Variants in CCDC146 observed in about 807,000 individuals in gnomAD.
CCDC146 encodes coiled-coil domain containing 146.
A neutral mutation model predicts 119.3 loss-of-function variants in CCDC146; 92 were observed. The ratio of observed to expected loss-of-function variants is 0.77; its 90% CI spans 0.65 to 0.92. The LOEUF (loss-of-function observed/expected upper bound fraction) is 0.92. Ranked by LOEUF, CCDC146 falls within the 40% of genes least tolerant of loss-of-function variation. CCDC146 has a pLI of 0.00. For missense variants in CCDC146, 1,000 were observed against 1,103.0 expected (o/e 0.91, Z 1.32); for synonymous variants, 372 against 371.8 (o/e 1.00, Z -0.01).
chr7:77,286,604 C>T (rs555991961), intron 15 of CCDC146, among the ~76,000 whole-genome samples, 194 bp from the exon 16 acceptor site: 4 of 152,252 alleles, frequency 2.6e-5, no homozygotes, highest in East Asian at 1.9e-4. Context: ...TAGACATCAT[C>T]GTCGCAGTAC....
chr7:77,260,146 C>G lies in CCDC146; in HGVS notation c.896C>G (p.Ala299Gly), dbSNP rs1793265459. ...NVIKEVEGKR[A>G]LLEIKEREHN... ...ATAAAGGAAGTTGAAGGCAAACGAG[C>G]CTTACTTGAAATCAAAGAACGAGAA... The change falls in exon 8 of 19, where the codon GCC (alanine) becomes GGC (glycine). Residue 299 changes from alanine (A) to glycine (G), a missense_variant. Ala to Gly is a moderately conservative substitution (Grantham distance 60). Around this residue, in one of 2 missense-constraint regions of CCDC146, gnomAD observed 985 missense variants for 1,045.3 expected, o/e 0.94. Coordinates refer to ENST00000285871, the MANE Select transcript of CCDC146 (RefSeq NM_020879.3). 1.2e-6 allele frequency: 2 copies of G among 1,613,922 alleles called. No individual in the cohort carries two copies. The highest frequency in any genetic ancestry group is 1.7e-6 in the Non-Finnish European group (2 of 1,179,966).
chr7:77,124,579 G>T (rs1790667845), intron 1 of CCDC146, among the ~76,000 whole-genome samples: 1 of 152,062 alleles, frequency 6.6e-6, no homozygotes, highest in Non-Finnish European at 1.5e-5. Flanking sequence ...CCATTTTCCT[G>T]ACACCTTTGA....
chr7:77,196,239 C>T lies in CCDC146; in HGVS notation c.156+28415C>T, dbSNP rs766846655. The T allele has an allele frequency of 1.4e-6, 2 of 1,434,832 alleles. No homozygotes were observed. The highest frequency in any genetic ancestry group is 1.2e-5 in the South Asian group (1 of 80,768). 88.9% of individuals were successfully genotyped at this position (1,434,832 alleles called of 1,614,324 possible). ...TAAAGTGCTGAAGGAATTAATTGCC[C>T]TATTAGATAACGAATACCTGGAGGA... On this transcript the variant is annotated intron_variant, in intron 2 of 18. Transcript: ENST00000285871. The surrounding 1 kb of genome is among the most constrained non-coding windows in gnomAD (Gnocchi z 4.2).
At chr7:77,234,739 GA>G (rs772690631) in intron 2 of CCDC146, among the ~76,000 whole-genome samples, 32 of 150,764 alleles carry the variant, frequency 2.1e-4, no homozygotes, top group Admixed American at 6.6e-4. Flanking sequence ...CATCTCTGGG[GA>G]AAAAAAAAGT....
At chr7:77,203,045 C>CCCG (rs1440033911) in intron 2 of CCDC146, among the ~76,000 whole-genome samples, 7 of 95,582 alleles carry the variant, frequency 7.3e-5, no homozygotes, top group African/African-American at 1.9e-4. Context: ...CCCCCCCCCC[C>CCCG]AGGACTATTT....
chr7:77,288,922 A>G (rs1793895387), intron 17 of CCDC146, among the ~76,000 whole-genome samples: 2 of 152,270 alleles, frequency 1.3e-5, no homozygotes, highest in South Asian at 4.1e-4. Flanking sequence ...CTAGAAGCAC[A>G]TGTGGAACAC....
intron 1 of CCDC146, 94 bp downstream of exon 1, chr7:77,122,826 G>C (rs564324806): frequency 6.5e-5 from 10 of 153,938 alleles, no homozygotes; most frequent in Admixed American, 5.1e-4. Flanking sequence ...CCTAGTGCGG[G>C]CATCTCCAGG....
chr7:77,290,180 G>A (rs1793919389), intron 17 of CCDC146, among the ~76,000 whole-genome samples: 1 of 147,636 alleles, frequency 6.8e-6, no homozygotes, highest in South Asian at 2.2e-4. Context: ...TCATAGATGG[G>A]AACTGAACAA....
chr7:77,148,017 A>T (rs944841670), intron 1 of CCDC146, among the ~76,000 whole-genome samples: 6 of 152,224 alleles, frequency 3.9e-5, no homozygotes, highest in African/African-American at 9.6e-5. Context: ...GGTGGAGCCT[A>T]CAGAGGCAGG....
At chr7:77,182,341 T>G (rs1214747858) in intron 2 of CCDC146, among the ~76,000 whole-genome samples, 1 of 152,232 alleles carries the variant, frequency 6.6e-6, no homozygotes, top group African/African-American at 2.4e-5. Context: ...TTAAGTTCTC[T>G]GAACCTCACT....
chr7:77,257,025 G>C (rs1179292409), intron 6 of CCDC146, among the ~76,000 whole-genome samples: 1 of 152,122 alleles, frequency 6.6e-6, no homozygotes, highest in Non-Finnish European at 1.5e-5. Context: ...AGAATTGCTT[G>C]AACCCGGGAG....
chr7:77,220,206 C>T (rs1019256809), intron 2 of CCDC146, among the ~76,000 whole-genome samples: 149 of 152,278 alleles, frequency 9.8e-4, no homozygotes, highest in African/African-American at 3.3e-3. Flanking sequence ...CATTTATTTT[C>T]CCAGGGCTGT....
intron 17 of CCDC146, among the ~76,000 whole-genome samples, chr7:77,292,482 T>A (rs1414197098): frequency 6.6e-6 from 1 of 151,400 alleles, no homozygotes; most frequent in Non-Finnish European, 1.5e-5. Context: ...CCGGGTATGG[T>A]GTTGGGCACT....
At chr7:77,202,493 A>T (rs1012937808) in intron 2 of CCDC146, among the ~76,000 whole-genome samples, 4 of 152,200 alleles carry the variant, frequency 2.6e-5, no homozygotes, top group African/African-American at 9.7e-5. Context: ...AAAAGCTTGG[A>T]TGTGCTTTGA....
chr7:77,144,671 T>A (rs1281327593), intron 1 of CCDC146, among the ~76,000 whole-genome samples: 1 of 151,840 alleles, frequency 6.6e-6, no homozygotes, highest in Non-Finnish European at 1.5e-5. Context: ...TCTATTGAGA[T>A]AATCATGTGG....
chr7:77,221,743 T>C (rs867743070), intron 2 of CCDC146, among the ~76,000 whole-genome samples: 1 of 152,176 alleles, frequency 6.6e-6, no homozygotes, highest in South Asian at 2.1e-4. Flanking sequence ...AGTGCTCTCA[T>C]GGAGAAATGC....
intron 9 of CCDC146, among the ~76,000 whole-genome samples, chr7:77,267,830 C>T (rs1793436673): frequency 6.6e-6 from 1 of 152,130 alleles, no homozygotes. Context: ...TTATATAAAT[C>T]TCCTCTCAGT....
intron 1 of CCDC146, among the ~76,000 whole-genome samples, chr7:77,148,359 G>A (rs1791056327): frequency 6.6e-6 from 1 of 152,124 alleles, no homozygotes; most frequent in East Asian, 1.9e-4. Flanking sequence ...TGTGCTTCCT[G>A]GGTGAGGCGA....
chr7:77,127,560 T>G (rs1175460959), intron 1 of CCDC146, among the ~76,000 whole-genome samples: 1 of 152,150 alleles, frequency 6.6e-6, no homozygotes, highest in Non-Finnish European at 1.5e-5. Flanking sequence ...TCCAAAGTAT[T>G]CTTTCATGTC....
Sources: allele counts gnomAD v4.1 joint callset (sites outside exome capture counted in the v4.1 genomes callset), GRCh38; gene constraint gnomAD v4.1.1; regional missense constraint gnomAD v4.1.1; non-coding constraint Gnocchi (gnomAD v3.1); transcripts MANE v1.5; gene names NCBI Gene and HGNC (gene_info 2026-07-23, HGNC 2026-07-21).